The following ZBTB47 variants were observed in gnomAD, a reference collection of about 807,000 sequenced individuals.
ZBTB47 encodes zinc finger and BTB domain-containing protein 47.
Under a neutral mutation model 56.6 loss-of-function variants are expected in ZBTB47, and 24 were observed. The observed-to-expected ratio is 0.42, with a 90% CI of 0.31 to 0.60. ZBTB47 has a LOEUF of 0.60. ZBTB47 is among the 20% of genes least tolerant of loss of function. The pLI is 0.14. For synonymous variants in ZBTB47, 414 were observed against 418.9 expected (o/e 0.99, Z 0.14); for missense variants, 829 against 1,032.6 (o/e 0.80, Z 2.70).
rs1345401332 is a variant in ZBTB47, at chr3:42,663,255, C to T, written c.1737+128C>T. On this transcript the variant is annotated intron_variant, in intron 4 of 5. Transcript: ENST00000232974. The surrounding 1 kb of genome is among the most constrained non-coding windows in gnomAD (Gnocchi z 5.1). Reference sequence around the variant, plus strand: ...TAGTGTCCAGAAAGAGAGAGCCCTGCCCTCTGAGGTCTGCAGCCCCTGCCT... The same window carrying T: ...TAGTGTCCAGAAAGAGAGAGCCCTGTCCTCTGAGGTCTGCAGCCCCTGCCT... The T allele has an allele frequency of 2.9e-6, 2 of 690,002 alleles. No homozygotes were observed. The highest frequency in any genetic ancestry group is 2.7e-5 in the East Asian group (1 of 36,424). 42.7% of individuals were successfully genotyped at this position (690,002 alleles called of 1,614,324 possible).
Position 42,662,992 on chromosome 3 carries a change from C to G in ZBTB47, c.1622-20C>G. ...TGGGCAGGCCCGTAAAACATGATGG[C>G]CCTGGTGCCCACCTCGTAGCCCACA... is the stretch of plus-strand genomic sequence containing the variant. On this transcript the variant is annotated intron_variant, in intron 3 of 5. Coordinates refer to ENST00000232974, the MANE Select transcript of ZBTB47 (RefSeq NM_145166.4). 6.3e-7 allele frequency: 1 copy of G among 1,589,224 alleles called. No individual in the cohort carries two copies. The highest frequency in any genetic ancestry group is 8.6e-7 in the Non-Finnish European group (1 of 1,157,646).
At chr3:42,659,952 A>G in intron 2 of ZBTB47, 124 bp downstream of exon 2, 1 of 1,363,448 alleles carries the variant, frequency 7.3e-7, no homozygotes, top group South Asian at 1.5e-5. Context: ...GACCAGACTT[A>G]GCCCCCAGAC....
intron 1 of ZBTB47, among the ~76,000 whole-genome samples, chr3:42,657,239 T>C (rs1235606119): frequency 6.6e-6 from 1 of 152,194 alleles, no homozygotes; most frequent in Non-Finnish European, 1.5e-5. Flanking sequence ...CCTGATAGTC[T>C]GACCCATCAG....
rs1710756840 is a variant in ZBTB47 at position 42,664,330 on chromosome 3, C to G, written c.1976C>G (p.Pro659Arg). Residue 659 changes from proline (P) to arginine (R), a missense_variant, in exon 6 of 6, where the codon CCG becomes CGG. Pro to Arg is a moderately radical substitution (Grantham distance 103, BLOSUM62 -2). This residue lies in a region of ZBTB47 where 44 missense variants were observed against 76.7 expected (regional missense o/e 0.57). Coordinates refer to ENST00000232974, the MANE Select transcript of ZBTB47 (RefSeq NM_145166.4). ...CGGCGCACGCACACGGGCGAGAAGC[C>G]GTACCCGTGCGACGTGTGTGGCCAG... Reference protein sequence around the residue: ...RHRRTHTGEKPYPCDVCGQRF... With the variant: ...RHRRTHTGEKRYPCDVCGQRF... 1 of 1,613,088 alleles carries G rather than the reference C, an allele frequency of 6.2e-7. No individual in the cohort carries two copies.
In ZBTB47 at chr3:42,659,609, G is replaced by T; in HGVS notation, c.1254G>T (p.Pro418=). The change falls in exon 2 of 6, where the codon CCG becomes CCT. Residue 418 remains proline, a synonymous_variant. Transcript: ENST00000232974. ...PGVASASARG[P]PATDGLGAKV... is the part of the protein sequence containing the mutation. ...TGGCCTCTGCATCGGCCCGAGGGCC[G>T]CCAGCCACTGATGGGCTGGGGGCCA... is the stretch of plus-strand genomic sequence containing the variant. 4 of 1,578,904 alleles carry T rather than the reference G, an allele frequency of 2.5e-6. No homozygotes were observed. Among genetic ancestry groups the T allele is most frequent in the Non-Finnish European group, 3.4e-6 (4 of 1,165,646 alleles).
At chr3:42,664,173 C>G in intron 5 of ZBTB47, 64 bp from the exon 6 acceptor site, 3 of 1,587,070 alleles carry the variant, frequency 1.9e-6, no homozygotes, top group Non-Finnish European at 2.6e-6. Context: ...GAGACGGAGG[C>G]TGGCCCCAGA....
chr3:42,655,501 T>C (rs550075139), intron 1 of ZBTB47, among the ~76,000 whole-genome samples: 68 of 152,324 alleles, frequency 4.5e-4, no homozygotes, highest in Admixed American at 2.2e-3. Context: ...CCAGCCTGAC[T>C]TGGGGCAAGG....
At position 42,659,708 on chromosome 3, in the gene ZBTB47, G is replaced by C. The variant is rs868006189; in HGVS notation, c.1353G>C (p.Leu451=). 2 of 1,613,588 alleles carry C rather than the reference G, an allele frequency of 1.2e-6. No individual in the cohort carries two copies. The highest frequency in any genetic ancestry group is 1.7e-6 in the Non-Finnish European group (2 of 1,179,788). The change falls in exon 2 of 6, where the codon CTG becomes CTC. Residue 451 remains leucine, a synonymous_variant. Transcript: ENST00000232974. ...CPRVFNNRWY[L]EKHMNVTHSR... ...GAGTTTTCAACAACCGCTGGTACCTGGAGAAACACATGAATGTGACCCACA... is the reference window on the plus strand; with the variant it reads ...GAGTTTTCAACAACCGCTGGTACCTCGAGAAACACATGAATGTGACCCACA...
chr3:42,658,429 G>T lies in ZBTB47; in HGVS notation c.74G>T (p.Arg25Leu), dbSNP rs1368195773. Reference sequence around the variant, plus strand: ...GTGGACTTGGTGCTGGTGCCCCAGCGCAGCGTCTTTCCGGCACACAAGGGT... The same window carrying T: ...GTGGACTTGGTGCTGGTGCCCCAGCTCAGCGTCTTTCCGGCACACAAGGGT... ...CDVDLVLVPQ[R>L]SVFPAHKGVL... Residue 25 changes from arginine to leucine, a missense_variant, in exon 2 of 6, where the codon CGC (arginine) becomes CTC (leucine). This residue lies in a region of ZBTB47 where 120 missense variants were observed against 200.2 expected (regional missense o/e 0.60). Coordinates refer to ENST00000232974, the MANE Select transcript of ZBTB47 (RefSeq NM_145166.4). The T allele has an allele frequency of 1.3e-6, 2 of 1,537,006 alleles. No individual in the cohort carries two copies. The highest frequency in any genetic ancestry group is 1.2e-5 in the South Asian group (1 of 84,060).
At position 42,654,663 on chromosome 3, in the gene ZBTB47, G is replaced by C. The variant is rs903041684; in HGVS notation, c.-82+780G>C. ...CGCCGGGGGCAGCGCGATCCCGCGG[G>C]GCCCTGTGAGCCCCCAGCGCCACGG... On this transcript the variant is annotated intron_variant, in intron 1 of 5. Coordinates refer to ENST00000232974, the MANE Select transcript of ZBTB47 (RefSeq NM_145166.4). This position sits in a 1 kb window ranked among gnomAD's most constrained non-coding sequence, Gnocchi z 5.0. 2.0e-6 allele frequency: 2 copies of C among 984,678 alleles called. No individual in the cohort carries two copies. Among genetic ancestry groups the C allele is most frequent in the Non-Finnish European group, 2.4e-6 (2 of 829,688 alleles). 61.0% of individuals were successfully genotyped at this position (984,678 alleles called of 1,614,324 possible). A position where few individuals can be genotyped will look rare whatever the true frequency, so the allele number is the denominator to read the frequency against.
Position 42,659,012 on chromosome 3 carries a change from G to A in ZBTB47, c.657G>A (p.Glu219=), listed in dbSNP as rs1414536359. The change falls in exon 2 of 6, where the codon GAG becomes GAA. Residue 219 remains glutamate (E), a synonymous_variant. Coordinates refer to ENST00000232974, the MANE Select transcript of ZBTB47 (RefSeq NM_145166.4). ...KLEGGEELEE[E]LGGSGTYSRR... ...AGGGTGGAGAAGAGTTGGAGGAAGA[G>A]CTTGGGGGTTCTGGCACCTACAGCC... 2.0e-6 allele frequency: 3 copies of A among 1,530,484 alleles called. No homozygotes were observed. In the African/African-American group the frequency reaches 4.1e-5, roughly 21 times the overall value. 94.8% of individuals were successfully genotyped at this position (1,530,484 alleles called of 1,614,324 possible). A position where few individuals can be genotyped will look rare whatever the true frequency, so the allele number is the denominator to read the frequency against.
upstream of ZBTB47, among the ~76,000 whole-genome samples, chr3:42,653,260 TGGCACCTAGAACCAAGTCACCCTGAGCCA>T (rs1710588807): frequency 6.6e-6 from 1 of 152,212 alleles, no homozygotes; most frequent in East Asian, 1.9e-4. Flanking sequence ...ATTTCTCCTC[TGGCACCTAGAACCAAGTCACCCTGAGCCA>T]GCGCCAGAGT....
chr3:42,660,887 G>A (rs1359117369), intron 2 of ZBTB47, among the ~76,000 whole-genome samples: 5 of 152,178 alleles, frequency 3.3e-5, no homozygotes, highest in Non-Finnish European at 5.9e-5. Flanking sequence ...CCTGTGGGGT[G>A]TCCTGCATAG....
chr3:42,662,987 G>C (rs746719112), intron 3 of ZBTB47, 25 bp from the exon 4 acceptor site: 3 of 1,576,482 alleles, frequency 1.9e-6, no homozygotes, highest in Non-Finnish European at 2.6e-6. Flanking sequence ...CGTAAAACAT[G>C]ATGGCCCTGG....
At position 42,664,753 on chromosome 3, in the gene ZBTB47, GA is replaced by G; in HGVS notation, c.*156del. ...GTACCCTGCCTGAGGCCCCGACGAG[GA>G]GGGGTATGCAGGCTGGCAGGCCCCA... On this transcript the variant is annotated 3_prime_UTR_variant, in exon 6 of 6. Coordinates refer to ENST00000232974, the MANE Select transcript of ZBTB47 (RefSeq NM_145166.4). 3 of 910,574 alleles carry G rather than the reference GA, an allele frequency of 3.3e-6. No homozygotes were observed. The highest frequency in any genetic ancestry group is 4.4e-6 in the Non-Finnish European group (3 of 681,504). 56.4% of individuals were successfully genotyped at this position (910,574 alleles called of 1,614,324 possible).
rs769603715 is a variant in ZBTB47, at chr3:42,664,615, G to C, written c.*17G>C. 6 of 1,336,532 alleles carry C rather than the reference G, an allele frequency of 4.5e-6. No homozygotes were observed. Among genetic ancestry groups the C allele is most frequent in the Non-Finnish European group, 5.7e-6 (6 of 1,050,344 alleles). The allele number at this position is 1,336,532 out of a possible 1,614,324, so 82.8% of individuals were successfully genotyped here. On this transcript the variant is annotated 3_prime_UTR_variant, in exon 6 of 6. Transcript: ENST00000232974. ...AACAACTAGCTGCCGAGCTGCACCC[G>C]TGCACCCGCTGGGGCCTGGAGTCAG...
chr3:42,663,154 G>T lies in ZBTB47; in HGVS notation c.1737+27G>T. The T allele has an allele frequency of 6.4e-7, 1 of 1,553,784 alleles. No homozygotes were observed. Among genetic ancestry groups the T allele is most frequent in the Non-Finnish European group, 8.9e-7 (1 of 1,125,728 alleles). On this transcript the variant is annotated intron_variant, in intron 4 of 5. Coordinates refer to ENST00000232974, the MANE Select transcript of ZBTB47 (RefSeq NM_145166.4). The surrounding 1 kb of genome is among the most constrained non-coding windows in gnomAD (Gnocchi z 5.1). The stretch of plus-strand genomic sequence containing the variant: ...TGAGCTTCCATCTCCTGCCTGGCCT[G>T]CCCGAGGGGTCACCTGGGAGGGGCA...
At position 42,659,817 on chromosome 3, in the gene ZBTB47, C is replaced by T. The variant is rs766624757; in HGVS notation, c.1462C>T (p.Arg488Cys). 8 of 1,604,806 alleles carry T rather than the reference C, an allele frequency of 5.0e-6. No homozygotes were observed. Among genetic ancestry groups the T allele is most frequent in the Non-Finnish European group, 6.8e-6 (8 of 1,174,236 alleles). ...LLLHRQTDCERNIQCVTCGKA... is the reference protein window; with the variant it reads ...LLLHRQTDCECNIQCVTCGKA... ...GCTGCACAGGCAGACAGACTGCGAG[C>T]GCAACATCCAGGTGGGCCTCACGTG... Residue 488 changes from arginine (R) to cysteine (C), a missense_variant, in exon 2 of 6, where the codon CGC (arginine) becomes TGC (cysteine). Transcript: ENST00000232974.
chr3:42,658,276 T>G lies in ZBTB47; in HGVS notation c.-80T>G. The G allele has an allele frequency of 6.8e-7, 1 of 1,471,366 alleles. No homozygotes were observed. Among genetic ancestry groups the G allele is most frequent in the Non-Finnish European group, 9.0e-7 (1 of 1,114,350 alleles). The allele number at this position is 1,471,366 out of a possible 1,614,324, so 91.1% of individuals were successfully genotyped here. The stretch of plus-strand genomic sequence containing the variant: ...CTCCTGTGCCCTCTGTCCCCGCAGT[T>G]GCTGGTTGAGAAGACAACTGACTCC... On this transcript the variant is annotated splice_region_variant and 5_prime_UTR_variant, in exon 2 of 6. Coordinates refer to ENST00000232974, the MANE Select transcript of ZBTB47 (RefSeq NM_145166.4).
Sources: gnomAD v4.1 joint callset for allele counts (sites outside exome capture counted in the v4.1 genomes callset) on GRCh38, gnomAD v4.1.1 for gene constraint, gnomAD v4.1.1 regional missense constraint, Gnocchi (gnomAD v3.1) non-coding constraint, MANE v1.5 for transcripts, NCBI Gene and HGNC (gene_info 2026-07-23, HGNC 2026-07-21) for gene names.